LGSN: variants seen among roughly 807,000 people sequenced by gnomAD.
LGSN encodes the protein lengsin.
A neutral mutation model predicts 19.5 loss-of-function variants in LGSN; 21 were observed. The ratio of observed to expected loss-of-function variants is 1.07; its 90% confidence interval spans 0.76 to 1.55. LGSN has a LOEUF of 1.55. Among genes scored for constraint, LGSN ranks in the 40% most tolerant of loss-of-function variants. The probability of loss-of-function intolerance (pLI) is 0.00; values close to 1 mark genes in which losing one functional copy is unlikely to be tolerated. For synonymous variants in LGSN, 257 were observed against 215.6 expected (o/e 1.19, Z -1.68); for missense variants, 673 against 608.5 (o/e 1.11, Z -1.12).
the LGSN span, among the ~76,000 whole-genome samples, chr6:63,490,900 A>C: frequency 6.6e-6 from 1 of 152,162 alleles, no homozygotes; most frequent in Admixed American, 6.6e-5. Flanking sequence ...AAAAGTGCAG[A>C]TATCCAAGGG....
At chr6:63,504,139 TA>T in the LGSN span, among the ~76,000 whole-genome samples, 1 of 151,960 alleles carries the variant, frequency 6.6e-6, no homozygotes, top group Non-Finnish European at 1.5e-5. Context: ...TTTAATAAAA[TA>T]AAAATCTTTT....
the LGSN span, among the ~76,000 whole-genome samples, chr6:63,455,312 G>C: frequency 1.3e-5 from 2 of 152,232 alleles, no homozygotes; most frequent in Non-Finnish European, 2.9e-5. Context: ...AAGGGATTTT[G>C]TTTCTGACCA....
chr6:63,310,312 CTCCTT>C (rs1220277534), intron 1 of LGSN, among the ~76,000 whole-genome samples: 1 of 152,128 alleles, frequency 6.6e-6, no homozygotes. Context: ...TGACCTAGAT[CTCCTT>C]TCCTTTTAAA....
At chr6:63,302,676 C>T (rs1366556455) in intron 1 of LGSN, among the ~76,000 whole-genome samples, 1 of 152,100 alleles carries the variant, frequency 6.6e-6, no homozygotes, top group Non-Finnish European at 1.5e-5. Flanking sequence ...AGTCAAATTG[C>T]CTACAATAAC....
chr6:63,465,757 T>C, the LGSN span, among the ~76,000 whole-genome samples: 1 of 152,154 alleles, frequency 6.6e-6, no homozygotes, highest in Non-Finnish European at 1.5e-5. Flanking sequence ...GATAAACCTC[T>C]TTCATAAAGT....
At chr6:63,527,391 G>A in the LGSN span, among the ~76,000 whole-genome samples, 1 of 152,144 alleles carries the variant, frequency 6.6e-6, no homozygotes, top group Non-Finnish European at 1.5e-5. Flanking sequence ...TGACCAATAA[G>A]TGCCGAGTGA....
chr6:63,495,469 T>TTTTGTTTTG, the LGSN span, among the ~76,000 whole-genome samples: 1 of 119,306 alleles, frequency 8.4e-6, no homozygotes, highest in Admixed American at 1.0e-4. Flanking sequence ...TTTTTTTTTT[T>TTTTGTTTTG]TTTTTTTGAG....
the LGSN span, among the ~76,000 whole-genome samples, chr6:63,374,715 G>T: frequency 6.6e-6 from 1 of 152,188 alleles, no homozygotes; most frequent in Non-Finnish European, 1.5e-5. Context: ...AGGGAGGCTG[G>T]AAAGTAAAAT....
At chr6:63,341,699 A>T in the LGSN span, among the ~76,000 whole-genome samples, 1 of 152,122 alleles carries the variant, frequency 6.6e-6, no homozygotes, top group African/African-American at 2.4e-5. Flanking sequence ...CTAAATTGAC[A>T]TTTGAGAATG....
chr6:63,470,333 G>T, the LGSN span, among the ~76,000 whole-genome samples: 2 of 151,932 alleles, frequency 1.3e-5, no homozygotes, highest in Non-Finnish European at 2.9e-5. Flanking sequence ...AATTAGCTTG[G>T]CATGGTTATG....
At chr6:63,469,996 G>T in the LGSN span, among the ~76,000 whole-genome samples, 1 of 152,128 alleles carries the variant, frequency 6.6e-6, no homozygotes, top group Non-Finnish European at 1.5e-5. Flanking sequence ...GATTACAGGC[G>T]TGAGCCACTG....
At chr6:63,341,391 C>G in the LGSN span, among the ~76,000 whole-genome samples, 3 of 152,192 alleles carry the variant, frequency 2.0e-5, no homozygotes, top group African/African-American at 7.2e-5. Flanking sequence ...CCTGTCCTTA[C>G]GCTCCCAAAC....
chr6:63,517,701 A>G, the LGSN span, among the ~76,000 whole-genome samples: 1 of 152,194 alleles, frequency 6.6e-6, no homozygotes, highest in Admixed American at 6.6e-5. Flanking sequence ...GTCAATAATG[A>G]TCTATAATTC....
the LGSN span, among the ~76,000 whole-genome samples, chr6:63,454,470 C>CT: frequency 0.43 from 51,578 of 118,664 alleles, 13,230 homozygotes; most frequent in Non-Finnish European, 0.55. Context: ...TTTACATTTT[C>CT]TTTTTTTTTT....
chr6:63,471,873 C>T, the LGSN span, among the ~76,000 whole-genome samples: 3 of 151,946 alleles, frequency 2.0e-5, no homozygotes, highest in African/African-American at 7.3e-5. Context: ...GGATTAGTGC[C>T]GTTACAATAA....
At chr6:63,516,320 C>T in the LGSN span, among the ~76,000 whole-genome samples, 1 of 152,166 alleles carries the variant, frequency 6.6e-6, no homozygotes, top group African/African-American at 2.4e-5. Flanking sequence ...GCCAAGAATG[C>T]TTGGGAAAAT....
At chr6:63,348,682 A>AT in the LGSN span, among the ~76,000 whole-genome samples, 440 of 151,314 alleles carry the variant, frequency 2.9e-3, 3 homozygotes, top group African/African-American at 0.01. Flanking sequence ...GTCATGGAGC[A>AT]TTATTTAGTA....
chr6:63,558,227 TAA>T, the LGSN span, among the ~76,000 whole-genome samples: 1 of 152,096 alleles, frequency 6.6e-6, no homozygotes, highest in African/African-American at 2.4e-5. Context: ...GTCATTGAAT[TAA>T]GTTATTGCAA....
the LGSN span, among the ~76,000 whole-genome samples, chr6:63,468,340 C>G: frequency 1.2e-4 from 18 of 152,204 alleles, no homozygotes; most frequent in Admixed American, 1.0e-3. Context: ...GTTGGCCAGG[C>G]TGGTCTCGAA....
Sources: allele counts gnomAD v4.1 joint callset (sites outside exome capture counted in the v4.1 genomes callset), GRCh38; gene constraint gnomAD v4.1.1; transcripts MANE v1.5; gene names NCBI Gene and HGNC (gene_info 2026-07-23, HGNC 2026-07-21).